The following ADCK1 variants were observed in gnomAD, a reference collection of about 807,000 sequenced individuals.
The protein encoded by ADCK1 is aarF domain-containing protein kinase 1.
ADCK1 carries 41 observed loss-of-function variants against 52.3 expected under a neutral mutation model. The ratio of observed to expected loss-of-function variants is 0.78; its 90% CI spans 0.61 to 1.02. The LOEUF (loss-of-function observed/expected upper bound fraction) is 1.02. ADCK1 is among the 50% of genes least tolerant of loss of function. The pLI, the probability that ADCK1 is intolerant of heterozygous loss-of-function variation, is 0.00. For missense variants in ADCK1, 658 were observed against 679.5 expected (o/e 0.97, Z 0.35); for synonymous variants, 250 against 274.6 (o/e 0.91, Z 0.89).
intron 8 of ADCK1, among the ~76,000 whole-genome samples, chr14:77,925,108 C>T (rs748974372): frequency 6.6e-6 from 1 of 152,232 alleles, no homozygotes; most frequent in Non-Finnish European, 1.5e-5. Flanking sequence ...AAGTTCACTG[C>T]CAATCTGGGC....
intron 4 of ADCK1, among the ~76,000 whole-genome samples, chr14:77,870,638 T>C (rs2082756192): frequency 6.6e-6 from 1 of 152,204 alleles, no homozygotes; most frequent in African/African-American, 2.4e-5. Context: ...TGCCATTTTT[T>C]TCTCCCCTCA....
chr14:77,887,367 G>A (rs2083182302), intron 5 of ADCK1, 118 bp downstream of exon 5: 2 of 1,182,138 alleles, frequency 1.7e-6, no homozygotes, highest in Admixed American at 3.3e-5. Flanking sequence ...AAGCAGCAGA[G>A]GGAGAGGAGA....
At chr14:77,904,848 G>A (rs1384049904) in intron 6 of ADCK1, among the ~76,000 whole-genome samples, 1 of 152,118 alleles carries the variant, frequency 6.6e-6, no homozygotes, top group Admixed American at 6.6e-5. Context: ...GGTGGGATGG[G>A]GGAGTGCGGG....
chr14:77,915,774 GTGT>G (rs934218940), intron 7 of ADCK1, among the ~76,000 whole-genome samples: 6 of 152,198 alleles, frequency 3.9e-5, no homozygotes, highest in Non-Finnish European at 7.3e-5. Flanking sequence ...GTGAGTAACT[GTGT>G]TGTTGTGGAG....
At chr14:77,864,534 C>T (rs2082621713) in intron 4 of ADCK1, among the ~76,000 whole-genome samples, 1 of 152,056 alleles carries the variant, frequency 6.6e-6, no homozygotes, top group South Asian at 2.1e-4. Flanking sequence ...CCTCTTTTTG[C>T]ATCTCTTCCT....
At position 77,852,881 on chromosome 14, in the gene ADCK1, G is replaced by GTATATATATATATA. The variant is rs1250184497; in HGVS notation, c.220-6194_220-6193insATATATATATATAT. On this transcript the variant is annotated intron_variant, in intron 3 of 10. Transcript: ENST00000238561. The stretch of plus-strand genomic sequence containing the variant: ...TTTCAAGTTCACTAATCTTTTATGT[G>GTATATATATATATA]TGTATATATATATATATATATATAT... 2.1e-3 allele frequency among the ~76,000 whole-genome samples: 62 copies of GTATATATATATATA among 29,536 alleles called. 1 individual carries two copies. Among genetic ancestry groups the GTATATATATATATA allele is most frequent in the Non-Finnish European group, 2.9e-3 (48 of 16,374 alleles). The allele number at this position is 29,536 out of a possible 152,430, so 19.4% of individuals were successfully genotyped here.
At chr14:77,850,648 C>CTT (rs58373247) in intron 3 of ADCK1, among the ~76,000 whole-genome samples, 8 of 107,988 alleles carry the variant, frequency 7.4e-5, no homozygotes, top group Non-Finnish European at 1.3e-4. Flanking sequence ...CATGATATAT[C>CTT]TTTTTTTTTT....
intron 3 of ADCK1, among the ~76,000 whole-genome samples, chr14:77,832,237 A>G (rs1448486781): frequency 6.6e-6 from 1 of 152,102 alleles, no homozygotes; most frequent in Non-Finnish European, 1.5e-5. Context: ...CTTGGCTGTA[A>G]TCCCCAAAGT....
chr14:77,839,794 G>A lies in ADCK1; in HGVS notation c.219+17276G>A, dbSNP rs368326428. Among the ~76,000 whole-genome samples, 6 of 151,710 alleles carry A rather than the reference G, an allele frequency of 4.0e-5. 1 individual carries two copies. The highest frequency in any genetic ancestry group is 1.3e-4 in the Admixed American group (2 of 15,220). ...AAAAATTAGCCAGGTGTGGTAGTGC[G>A]CGCCTCCTCAGCTACTTGGGAGGCT... On this transcript the variant is annotated intron_variant, in intron 3 of 10. Coordinates refer to ENST00000238561, the MANE Select transcript of ADCK1 (RefSeq NM_020421.4).
intron 3 of ADCK1, among the ~76,000 whole-genome samples, chr14:77,854,855 C>T (rs987820538): frequency 6.6e-6 from 1 of 152,156 alleles, no homozygotes; most frequent in African/African-American, 2.4e-5. Context: ...CACCCACTCA[C>T]AGGAGTGTGC....
chr14:77,892,676 T>G (rs1264773533), intron 5 of ADCK1, among the ~76,000 whole-genome samples: 2 of 151,826 alleles, frequency 1.3e-5, no homozygotes, highest in Non-Finnish European at 2.9e-5. Flanking sequence ...AGAGTTCCCT[T>G]CATTTGTTAT....
intron 4 of ADCK1, among the ~76,000 whole-genome samples, chr14:77,879,593 C>T (rs1029662474): frequency 6.6e-6 from 1 of 152,124 alleles, no homozygotes; most frequent in African/African-American, 2.4e-5. Flanking sequence ...CCCCATGGGT[C>T]ATGTTCAAGA....
intron 6 of ADCK1, among the ~76,000 whole-genome samples, chr14:77,905,304 GTTTTTT>G (rs58057378): frequency 1.5e-4 from 14 of 96,274 alleles, no homozygotes; most frequent in African/African-American, 5.2e-4. Flanking sequence ...TTCCTAGCTG[GTTTTTT>G]TTTTTTTTTT....
intron 4 of ADCK1, among the ~76,000 whole-genome samples, chr14:77,879,587 A>G (rs957883716): frequency 2.0e-5 from 3 of 152,172 alleles, no homozygotes; most frequent in Non-Finnish European, 4.4e-5. Flanking sequence ...GTCAGACCCC[A>G]TGGGTCATGT....
chr14:77,845,802 C>G (rs538672632), intron 3 of ADCK1, among the ~76,000 whole-genome samples: 10 of 152,298 alleles, frequency 6.6e-5, no homozygotes, highest in African/African-American at 2.4e-4. Flanking sequence ...CTGCTCACTC[C>G]CTCTGCAGTA....
intron 7 of ADCK1, among the ~76,000 whole-genome samples, chr14:77,913,344 G>A (rs575080703): frequency 1.2e-3 from 183 of 152,318 alleles, no homozygotes; most frequent in Non-Finnish European, 2.2e-3. Context: ...CTCCAGGCCC[G>A]AGACAGCCCT....
chr14:77,868,670 G>T (rs941913595), intron 4 of ADCK1, among the ~76,000 whole-genome samples: 1 of 152,160 alleles, frequency 6.6e-6, no homozygotes, highest in African/African-American at 2.4e-5. Flanking sequence ...CGGCTGGTGT[G>T]TCTGGATTGT....
At chr14:77,898,746 C>T (rs867125706) in intron 5 of ADCK1, among the ~76,000 whole-genome samples, 5 of 152,242 alleles carry the variant, frequency 3.3e-5, no homozygotes, top group African/African-American at 7.2e-5. Flanking sequence ...CCATGACACA[C>T]GTTTACCTAT....
chr14:77,921,962 C>T (rs1475845520), intron 7 of ADCK1, among the ~76,000 whole-genome samples: 2 of 152,220 alleles, frequency 1.3e-5, no homozygotes, highest in African/African-American at 4.8e-5. Flanking sequence ...TCATTTCTCT[C>T]ATTTTTTGGC....
Sources: gnomAD v4.1 joint callset for allele counts (sites outside exome capture counted in the v4.1 genomes callset) on GRCh38, gnomAD v4.1.1 for gene constraint, MANE v1.5 for transcripts, NCBI Gene and HGNC (gene_info 2026-07-23, HGNC 2026-07-21) for gene names.